The following TEX15 variants were observed in gnomAD, a reference collection of about 807,000 sequenced individuals.
TEX15 encodes the protein testis-expressed protein 15.
A neutral mutation model predicts 237.3 loss-of-function variants in TEX15; 171 were observed. That is an observed-to-expected ratio of 0.72 (90% CI 0.64 to 0.82). TEX15 has a LOEUF of 0.82. Ranked by LOEUF, TEX15 falls within the 40% of genes least tolerant of loss-of-function variation. The pLI is 0.00. For missense variants in TEX15, 3,750 were observed against 3,646.5 expected (o/e 1.03, Z -0.73); for synonymous variants, 1,338 against 1,269.8 (o/e 1.05, Z -1.14).
In TEX15 at chr8:30,842,642, T is replaced by C; in HGVS notation, c.7525A>G (p.Lys2509Glu). The change falls in exon 8 of 11, where the codon AAA becomes GAA. Residue 2509 changes from lysine (K) to glutamate (E), a missense_variant. Transcript: ENST00000643185. ...TCGGAAACAGCAGTCTCTATCACTT[T>C]CCAAAGGCAAACATCTGTTGAGTTA... ...KDNSTDVCLWKVIETAVSELK... is the reference protein window; with the variant it reads ...KDNSTDVCLWEVIETAVSELK... 1 of 1,612,090 alleles carries C rather than the reference T, an allele frequency of 6.2e-7. No homozygotes were observed. The highest frequency in any genetic ancestry group is 8.5e-7 in the Non-Finnish European group (1 of 1,179,840).
intron 2 of TEX15, among the ~76,000 whole-genome samples, chr8:30,889,843 A>G (rs1022365700): frequency 3.3e-5 from 5 of 150,728 alleles, no homozygotes; most frequent in Non-Finnish European, 5.9e-5. Context: ...ACACAGACCT[A>G]TAACCTTTAT....
intron 4 of TEX15, among the ~76,000 whole-genome samples, chr8:30,872,637 G>T (rs1295808587): frequency 1.3e-5 from 2 of 152,088 alleles, no homozygotes; most frequent in African/African-American, 4.8e-5. Context: ...AGACCTTCCA[G>T]TGGGACAGAT....
chr8:30,841,594 G>A (rs531289439), intron 8 of TEX15, among the ~76,000 whole-genome samples: 1 of 152,260 alleles, frequency 6.6e-6, no homozygotes, highest in South Asian at 2.1e-4. Context: ...GATGATAATG[G>A]TCAAGAAGAC....
rs970520038 is a variant in TEX15, at chr8:30,833,103, G to C, written c.*183C>G. The C allele has an allele frequency of 4.2e-6, 2 of 480,778 alleles. No homozygotes were observed. Among genetic ancestry groups the C allele is most frequent in the South Asian group, 8.1e-5 (2 of 24,774 alleles). The allele number at this position is 480,778 out of a possible 1,614,324, so 29.8% of individuals were successfully genotyped here. A position where few individuals can be genotyped will look rare whatever the true frequency, so the allele number is the denominator to read the frequency against. On this transcript the variant is annotated 3_prime_UTR_variant, in exon 11 of 11. Transcript: ENST00000643185. ...TGGAAATAATTCTGGTATATCAGAT[G>C]TTAGAAATTGATGTCCTATATGATA... is the stretch of plus-strand genomic sequence containing the variant.
At position 30,846,708 on chromosome 8, in the gene TEX15, A is replaced by C. The variant is rs1338837935; in HGVS notation, c.3459T>G (p.Leu1153=). ...TAGTAATTTTAATTTGTAGATCTGG[A>C]AGTAAAATTGGGCTGGTAAGTTCTG... ...NETELTSPIL[L]PDLQIKITNI... is the part of the protein sequence containing the mutation. Residue 1153 remains leucine (L), a synonymous_variant, in exon 8 of 11, where the codon CTT becomes CTG. Coordinates refer to ENST00000643185, the MANE Select transcript of TEX15 (RefSeq NM_001350162.2). The C allele has an allele frequency of 6.2e-7, 1 of 1,613,388 alleles. No homozygotes were observed. The highest frequency in any genetic ancestry group is 1.3e-5 in the African/African-American group (1 of 74,822).
At chr8:30,853,812 T>G (rs1489758441) in intron 7 of TEX15, among the ~76,000 whole-genome samples, 4 of 152,066 alleles carry the variant, frequency 2.6e-5, no homozygotes, top group African/African-American at 9.7e-5. Context: ...TAAGACAAAC[T>G]GTTTTCCAAC....
Position 30,844,255 on chromosome 8 carries a change from G to A in TEX15, c.5912C>T (p.Pro1971Leu), listed in dbSNP as rs765169300. Residue 1971 changes from proline (P) to leucine (L), a missense_variant, in exon 8 of 11, where the codon CCT becomes CTT. By Grantham distance (98) the Pro-to-Leu change is moderately conservative. Coordinates refer to ENST00000643185, the MANE Select transcript of TEX15 (RefSeq NM_001350162.2). Reference protein sequence around the residue: ...LPAHSETCKVPTLLKKPASYV... With the variant: ...LPAHSETCKVLTLLKKPASYV... ...TGACGCAGGTTTCTTCAGAAGAGTA[G>A]GGACTTTACAGGTTTCAGAGTGGGC... 6.2e-7 allele frequency: 1 copy of A among 1,613,026 alleles called. No individual in the cohort carries two copies. The highest frequency in any genetic ancestry group is 8.5e-7 in the Non-Finnish European group (1 of 1,179,478).
intron 1 of TEX15, among the ~76,000 whole-genome samples, chr8:30,905,949 T>G (rs902119207): frequency 1.3e-5 from 2 of 151,900 alleles, no homozygotes; most frequent in Non-Finnish European, 2.9e-5. Flanking sequence ...AAATTTTATC[T>G]GCCCCTTACT....
intron 1 of TEX15, among the ~76,000 whole-genome samples, chr8:30,900,170 T>C (rs1808981094): frequency 6.6e-6 from 1 of 152,228 alleles, no homozygotes; most frequent in Non-Finnish European, 1.5e-5. Flanking sequence ...TCTTATCCTT[T>C]ACTGACTTAC....
chr8:30,840,654 C>T (rs1158119040), intron 8 of TEX15, among the ~76,000 whole-genome samples: 1 of 152,154 alleles, frequency 6.6e-6, no homozygotes, highest in Non-Finnish European at 1.5e-5. Flanking sequence ...TGACTTATTA[C>T]TGTAAGTAGT....
At position 30,848,817 on chromosome 8, in the gene TEX15, T is replaced by A. The variant is rs62000456; in HGVS notation, c.1350A>T (p.Ala450=). The A allele has an allele frequency of 1.5e-3, 2,367 of 1,614,162 alleles. 24 individuals are homozygous for A. In the African/African-American group the frequency reaches 0.027, roughly 19 times the overall value. ...CAAATTGCAAAACCTCATTTAAGCCTGCAGTACTACTCTGTTCTCCCATAC... is the reference window on the plus strand; with the variant it reads ...CAAATTGCAAAACCTCATTTAAGCCAGCAGTACTACTCTGTTCTCCCATAC... ...EESMGEQSST[A]GLNEVLQFEK... is the part of the protein sequence containing the mutation. The change falls in exon 8 of 11, where the codon GCA becomes GCT. Residue 450 remains alanine (A), a synonymous_variant. Transcript: ENST00000643185.
intron 4 of TEX15, 114 bp downstream of exon 4, chr8:30,874,821 CTG>C (rs1246055798): frequency 1.7e-6 from 1 of 583,388 alleles, no homozygotes; most frequent in Non-Finnish European, 2.5e-6. Flanking sequence ...AAAAAATAAT[CTG>C]TGTTTTCTTA....
At chr8:30,877,173 T>C (rs1484464646) in intron 3 of TEX15, among the ~76,000 whole-genome samples, 4 of 152,230 alleles carry the variant, frequency 2.6e-5, no homozygotes, top group Admixed American at 6.5e-5. Context: ...GGGCATGGCC[T>C]CATTTGACCT....
At chr8:30,879,878 A>C (rs960941036) in intron 3 of TEX15, among the ~76,000 whole-genome samples, 1 of 151,794 alleles carries the variant, frequency 6.6e-6, no homozygotes, top group Admixed American at 6.6e-5. Context: ...CATTATGTTG[A>C]GTCTTTTAAT....
chr8:30,847,495 T>A lies in TEX15; in HGVS notation c.2672A>T (p.His891Leu), dbSNP rs199659098. The A allele has an allele frequency of 5.6e-4, 911 of 1,613,522 alleles. No homozygotes were observed. The highest frequency in any genetic ancestry group is 6.4e-4 in the Non-Finnish European group (757 of 1,179,862). Residue 891 changes from histidine to leucine, a missense_variant, in exon 8 of 11, where the codon CAT becomes CTT. Physicochemically the swap from His to Leu is moderately conservative, Grantham distance 99 (BLOSUM62 -3). Coordinates refer to ENST00000643185, the MANE Select transcript of TEX15 (RefSeq NM_001350162.2). ...TATATTGCTGAAATTTTCGTTTGTA[T>A]GAGAATCCTGCTTTTTGTCTCCATA... is the stretch of plus-strand genomic sequence containing the variant. Reference protein sequence around the residue: ...NIYGDKKQDSHTNENFSNIDE... With the variant: ...NIYGDKKQDSLTNENFSNIDE...
In TEX15 at chr8:30,867,473, C is replaced by G. The variant is rs1280883814; in HGVS notation, c.332G>C (p.Cys111Ser). Residue 111 changes from cysteine to serine, a missense_variant, in exon 5 of 11, where the codon TGC (cysteine) becomes TCC (serine). By Grantham distance (112) the Cys-to-Ser change is moderately radical. Coordinates refer to ENST00000643185, the MANE Select transcript of TEX15 (RefSeq NM_001350162.2). ...RSEMRESGRH[C>S]RELEEQFCFL... ...GCAGAACTGTTCTTCAAGTTCCCTG[C>G]AATGTCTTCCACTTTCACGCATCTC... is the stretch of plus-strand genomic sequence containing the variant. 6.5e-7 allele frequency: 1 copy of G among 1,534,048 alleles called. No individual in the cohort carries two copies. The highest frequency in any genetic ancestry group is 8.7e-7 in the Non-Finnish European group (1 of 1,145,452).
Position 30,858,788 on chromosome 8 carries a change from T to G in TEX15, c.730A>C (p.Lys244Gln). The G allele has an allele frequency of 6.5e-7, 1 of 1,535,706 alleles. No individual in the cohort carries two copies. The highest frequency in any genetic ancestry group is 8.7e-7 in the Non-Finnish European group (1 of 1,146,722). Reference protein sequence around the residue: ...EYSVLSKPVDKPRQCLPYAVV... With the variant: ...EYSVLSKPVDQPRQCLPYAVV... ...GCATATGGAAGACATTGCCTAGGTT[T>G]ATCTACAGGCTTTGAAAGGACACTG... Residue 244 changes from lysine (K) to glutamine (Q), a missense_variant, in exon 7 of 11, where the codon AAA becomes CAA. Coordinates refer to ENST00000643185, the MANE Select transcript of TEX15 (RefSeq NM_001350162.2).
In TEX15 at chr8:30,848,354, G is replaced by A; in HGVS notation, c.1813C>T (p.Leu605Phe). ...TCATCAATGCTTACTTTCTTTTTGAGTGGAAAAACTGTAGACGTTTGGCAA... is the reference window on the plus strand; with the variant it reads ...TCATCAATGCTTACTTTCTTTTTGAATGGAAAAACTGTAGACGTTTGGCAA... Reference protein sequence around the residue: ...TGCQTSTVFPLKKKVSIDEYL... With the variant: ...TGCQTSTVFPFKKKVSIDEYL... The change falls in exon 8 of 11, where the codon CTC becomes TTC. Residue 605 changes from leucine to phenylalanine, a missense_variant. Coordinates refer to ENST00000643185, the MANE Select transcript of TEX15 (RefSeq NM_001350162.2). 3.7e-6 allele frequency: 6 copies of A among 1,614,012 alleles called. No individual in the cohort carries two copies. Among genetic ancestry groups the A allele is most frequent in the South Asian group, 1.1e-5 (1 of 91,060 alleles).
chr8:30,886,106 G>C (rs1392824928), intron 3 of TEX15, among the ~76,000 whole-genome samples: 1 of 152,040 alleles, frequency 6.6e-6, no homozygotes, highest in Non-Finnish European at 1.5e-5. Flanking sequence ...AGATTTTCTT[G>C]GTGTGTGTTA....
Sources: gnomAD v4.1 joint callset for allele counts (sites outside exome capture counted in the v4.1 genomes callset) on GRCh38, gnomAD v4.1.1 for gene constraint, MANE v1.5 for transcripts, NCBI Gene and HGNC (gene_info 2026-07-23, HGNC 2026-07-21) for gene names.